The following BCL11A variants were observed in gnomAD, a reference collection of about 807,000 sequenced individuals.
The protein encoded by BCL11A is B cell CLL/lymphoma 11A.
In BCL11A, 2 loss-of-function variants were observed where a neutral mutation model predicts 55.9. The ratio of observed to expected loss-of-function variants is 0.04; its 90% CI spans 0.01 to 0.11. The LOEUF (loss-of-function observed/expected upper bound fraction) is 0.11. BCL11A is among the 10% of genes least tolerant of loss of function. The pLI is 1.00. For missense variants in BCL11A, 817 were observed against 1,137.1 expected (o/e 0.72, Z 4.05); for synonymous variants, 465 against 473.4 (o/e 0.98, Z 0.23).
At chr2:60,466,899 C>T (rs1676645973) in intron 3 of BCL11A, among the ~76,000 whole-genome samples, 2 of 152,200 alleles carry the variant, frequency 1.3e-5, no homozygotes, top group African/African-American at 4.8e-5. Flanking sequence ...TGCCCACCCC[C>T]TAACCTTTTA....
chr2:60,465,426 A>G (rs1676545846), intron 3 of BCL11A, among the ~76,000 whole-genome samples: 1 of 152,226 alleles, frequency 6.6e-6, no homozygotes. Flanking sequence ...ATAAACTGAC[A>G]CCTGGCCCCT....
intron 2 of BCL11A, chr2:60,526,662 C>T (rs141615076): frequency 6.6e-6 from 1 of 152,232 alleles, no homozygotes; most frequent in African/African-American, 2.4e-5. Flanking sequence ...GAAACAATAC[C>T]AAGCCTTCAA....
downstream of BCL11A, among the ~76,000 whole-genome samples, chr2:60,456,007 A>G (rs1300742008): frequency 2.6e-5 from 4 of 151,774 alleles, no homozygotes; most frequent in Admixed American, 2.6e-4. Context: ...ATTCTCCAAC[A>G]TCCTTTCTCA....
In BCL11A at chr2:60,468,758, C is replaced by G. The variant is rs149258940; in HGVS notation, c.461G>C (p.Ser154Thr). 1.2e-6 allele frequency: 2 copies of G among 1,612,622 alleles called. No individual in the cohort carries two copies. Among genetic ancestry groups the G allele is most frequent in the African/African-American group, 2.7e-5 (2 of 74,850 alleles). The change falls in exon 3 of 4, where the codon AGT becomes ACT. Residue 154 changes from serine to threonine, a missense_variant. Ser to Thr is a moderately conservative substitution (Grantham distance 58). Around this residue, in one of 4 missense-constraint regions of BCL11A, gnomAD observed 363 missense variants for 486.6 expected, o/e 0.75. Coordinates refer to ENST00000642384, the MANE Select transcript of BCL11A (RefSeq NM_022893.4). ...AATACCCTGCGGGGCATATTCTGCA[C>G]TCATCCCAGGCGTGGGGATTAGAGC... is the stretch of plus-strand genomic sequence containing the variant. ...HGALIPTPGM[S>T]AEYAPQGICK...
chr2:60,475,800 T>A (rs978745567), intron 2 of BCL11A, among the ~76,000 whole-genome samples: 1 of 152,170 alleles, frequency 6.6e-6, no homozygotes, highest in Non-Finnish European at 1.5e-5. Context: ...CTTTCAGAGA[T>A]GCCCTTGCTC....
At position 60,457,999 on chromosome 2, in the gene BCL11A, T is replaced by C. The variant is rs1038328060; in HGVS notation, c.*2405A>G. Reference sequence around the variant, plus strand: ...ACAAATAATTTGCACTATATTATCCTGCCAAATTAAAAAAATATACTGTGG... The same window carrying C: ...ACAAATAATTTGCACTATATTATCCCGCCAAATTAAAAAAATATACTGTGG... On this transcript the variant is annotated 3_prime_UTR_variant, in exon 4 of 4. Coordinates refer to ENST00000642384, the MANE Select transcript of BCL11A (RefSeq NM_022893.4). 141 of 1,033,806 alleles carry C rather than the reference T, an allele frequency of 1.4e-4. No individual in the cohort carries two copies. The highest frequency in any genetic ancestry group is 1.5e-4 in the Non-Finnish European group (128 of 859,388). 64.0% of individuals were successfully genotyped at this position (1,033,806 alleles called of 1,614,324 possible).
At chr2:60,548,283 T>C (rs1017560584) in intron 1 of BCL11A, among the ~76,000 whole-genome samples, 14 of 149,780 alleles carry the variant, frequency 9.3e-5, no homozygotes, top group African/African-American at 3.4e-4. Flanking sequence ...TACTAGTACA[T>C]AGAACCTTTG....
At chr2:60,497,602 GTGA>G (rs1362348865) in intron 2 of BCL11A, among the ~76,000 whole-genome samples, 1 of 118,534 alleles carries the variant, frequency 8.4e-6, no homozygotes, top group Non-Finnish European at 1.7e-5. Flanking sequence ...TCCTATAATG[GTGA>G]TGATAATGAC....
In BCL11A at chr2:60,538,737, CTCTGTGTGTGTGTGTGTGTG is replaced by C. The variant is rs762962426; in HGVS notation, c.385+7214_385+7233del. ...ACTGAATGTCTCTCTCTCTCTCTCT[CTCTGTGTGTGTGTGTGTGTG>C]TGTGTGTGTGTGTGTGTGTGTGTGT... On this transcript the variant is annotated intron_variant, in intron 2 of 3. Coordinates refer to ENST00000642384, the MANE Select transcript of BCL11A (RefSeq NM_022893.4). Among the ~76,000 whole-genome samples, 107 of 118,754 alleles carry C rather than the reference CTCTGTGTGTGTGTGTGTGTG, an allele frequency of 9.0e-4. 1 individual carries two copies. In the East Asian group the frequency reaches 0.015, roughly 16 times the overall value. The allele number at this position is 118,754 out of a possible 152,430, so 77.9% of individuals were successfully genotyped here.
At chr2:60,481,106 G>A (rs1677927991) in intron 2 of BCL11A, among the ~76,000 whole-genome samples, 1 of 152,042 alleles carries the variant, frequency 6.6e-6, no homozygotes, top group Admixed American at 6.5e-5. Flanking sequence ...CTAGATCCTG[G>A]TACAGCCCAG....
At chr2:60,540,221 C>T (rs1669856676) in intron 2 of BCL11A, among the ~76,000 whole-genome samples, 1 of 152,050 alleles carries the variant, frequency 6.6e-6, no homozygotes, top group Non-Finnish European at 1.5e-5. Flanking sequence ...ACTAAAGATG[C>T]TTGGTGATTA....
At chr2:60,552,485 G>C (rs1048214529) in intron 1 of BCL11A, among the ~76,000 whole-genome samples, 4 of 152,088 alleles carry the variant, frequency 2.6e-5, no homozygotes, top group Admixed American at 6.5e-5. Flanking sequence ...AAGGCAGCGG[G>C]ACAAACACCC....
chr2:60,477,484 G>A (rs1341541668), intron 2 of BCL11A, among the ~76,000 whole-genome samples: 2 of 152,140 alleles, frequency 1.3e-5, no homozygotes, highest in Non-Finnish European at 2.9e-5. Flanking sequence ...ATAGCATTAG[G>A]AGAAATGCCT....
At chr2:60,548,762 G>T (rs964680248) in intron 1 of BCL11A, among the ~76,000 whole-genome samples, 6 of 152,160 alleles carry the variant, frequency 3.9e-5, no homozygotes, top group Admixed American at 6.5e-5. Context: ...ATACCAAAAC[G>T]TGTTTTTATC....
At chr2:60,479,378 G>A (rs1038445750) in intron 2 of BCL11A, among the ~76,000 whole-genome samples, 1 of 152,220 alleles carries the variant, frequency 6.6e-6, no homozygotes, top group Non-Finnish European at 1.5e-5. Flanking sequence ...GGGAAATGAG[G>A]TCTCTCAGGT....
Position 60,549,488 on chromosome 2 carries a change from C to T in BCL11A, c.56-3188G>A, listed in dbSNP as rs1417182418. On this transcript the variant is annotated intron_variant, in intron 1 of 3. Coordinates refer to ENST00000642384, the MANE Select transcript of BCL11A (RefSeq NM_022893.4). ...GGGGGCTACAGGCCCGGGGCAGGGG[C>T]CCCGGCAAGGGTGGACCGTGCAGAA... 7.9e-5 allele frequency among the ~76,000 whole-genome samples: 12 copies of T among 152,320 alleles called. No homozygotes were observed. In the East Asian group the frequency reaches 2.3e-3, roughly 29 times the overall value.
chr2:60,543,805 T>G (rs539638022), intron 2 of BCL11A: 2 of 152,352 alleles, frequency 1.3e-5, no homozygotes, highest in Non-Finnish European at 1.5e-5. Flanking sequence ...TGTGCGCCCA[T>G]TGAATATCTT....
intron 2 of BCL11A, among the ~76,000 whole-genome samples, chr2:60,540,946 T>TTTTGTGTGTG: frequency 7.1e-6 from 1 of 140,318 alleles, no homozygotes; most frequent in South Asian, 2.5e-4. Flanking sequence ...AGCACTGGTT[T>TTTTGTGTGTG]TGTGTGTGTG....
chr2:60,465,951 G>A (rs1337543123), intron 3 of BCL11A, among the ~76,000 whole-genome samples: 1 of 152,190 alleles, frequency 6.6e-6, no homozygotes, highest in African/African-American at 2.4e-5. Context: ...CTGGCACACA[G>A]CAGAGTGGCC....
Sources: allele counts gnomAD v4.1 joint callset (sites outside exome capture counted in the v4.1 genomes callset), GRCh38; gene constraint gnomAD v4.1.1; regional missense constraint gnomAD v4.1.1; transcripts MANE v1.5; gene names NCBI Gene and HGNC (gene_info 2026-07-23, HGNC 2026-07-21).